The following EXOC6B variants were observed in gnomAD, a reference collection of about 807,000 sequenced individuals.
The protein encoded by EXOC6B is SEC15 homolog B.
EXOC6B carries 54 observed loss-of-function variants against 113.5 expected under a neutral mutation model. The observed-to-expected ratio is 0.48, with a 90% CI of 0.38 to 0.60. The LOEUF is 0.60. Ranked by LOEUF, EXOC6B falls within the 20% of genes least tolerant of loss-of-function variation. The pLI is 0.00. For missense variants in EXOC6B, 797 were observed against 977.5 expected, an observed-to-expected ratio of 0.82 and a Z score of 2.46; for synonymous variants, 357 against 339.0, an observed-to-expected ratio of 1.05 and a Z score of -0.58.
intron 6 of EXOC6B, among the ~76,000 whole-genome samples, chr2:72,714,534 G>A (rs1454520788): frequency 6.6e-6 from 1 of 152,122 alleles, no homozygotes; most frequent in Non-Finnish European, 1.5e-5. Flanking sequence ...TGAATTTATA[G>A]GGAAAGAAGT....
chr2:72,405,315 A>G (rs1693657921), intron 18 of EXOC6B, among the ~76,000 whole-genome samples: 1 of 152,202 alleles, frequency 6.6e-6, no homozygotes, highest in Non-Finnish European at 1.5e-5. Flanking sequence ...CAATCTAGCA[A>G]GGCAGGCCAG....
chr2:72,573,672 G>A (rs1005425650), intron 7 of EXOC6B, among the ~76,000 whole-genome samples: 2 of 152,138 alleles, frequency 1.3e-5, no homozygotes, highest in African/African-American at 4.8e-5. Context: ...GGGATAGGAT[G>A]AAACTTTCAA....
rs561323233 is a variant in EXOC6B at position 72,410,815 on chromosome 2, T to C, written c.1981-30945A>G. Among the ~76,000 whole-genome samples the C allele has an allele frequency of 3.3e-5, 5 of 152,292 alleles. No homozygotes were observed. The South Asian group carries it at 1.0e-3, about 32-fold the overall frequency. On this transcript the variant is annotated intron_variant, in intron 18 of 21. Coordinates refer to ENST00000272427, the MANE Select transcript of EXOC6B (RefSeq NM_015189.3). ...CATTTATACCTACTTTATACACATA[T>C]AGGTAACACTACTAAGAAAAAAAAA... is the stretch of plus-strand genomic sequence containing the variant.
At chr2:72,455,748 A>G (rs1237965966) in intron 18 of EXOC6B, among the ~76,000 whole-genome samples, 1 of 152,154 alleles carries the variant, frequency 6.6e-6, no homozygotes, top group African/African-American at 2.4e-5. Flanking sequence ...ACCTACATAC[A>G]GGTACATTAG....
intron 6 of EXOC6B, among the ~76,000 whole-genome samples, chr2:72,576,402 GT>G (rs1440890415): frequency 6.6e-6 from 1 of 152,048 alleles, no homozygotes; most frequent in Non-Finnish European, 1.5e-5. Flanking sequence ...GAAGTAGAAA[GT>G]GGGACTATCC....
chr2:72,385,293 T>G (rs980729129), intron 18 of EXOC6B, among the ~76,000 whole-genome samples: 3 of 151,942 alleles, frequency 2.0e-5, no homozygotes, highest in African/African-American at 7.2e-5. Flanking sequence ...CTGAGGAAAC[T>G]AGACATCCAC....
chr2:72,456,793 G>A (rs1697261088), intron 18 of EXOC6B, among the ~76,000 whole-genome samples: 1 of 152,004 alleles, frequency 6.6e-6, no homozygotes, highest in Non-Finnish European at 1.5e-5. Flanking sequence ...CTCCTTTCCT[G>A]AATAAAGTAC....
chr2:72,670,153 G>T (rs1675690564), intron 6 of EXOC6B, among the ~76,000 whole-genome samples: 1 of 152,074 alleles, frequency 6.6e-6, no homozygotes, highest in African/African-American at 2.4e-5. Flanking sequence ...TAGCACACAA[G>T]GTATCTGTAA....
At chr2:72,374,042 C>G (rs1034367724) in intron 19 of EXOC6B, among the ~76,000 whole-genome samples, 1 of 152,004 alleles carries the variant, frequency 6.6e-6, no homozygotes, top group Non-Finnish European at 1.5e-5. Flanking sequence ...ACTGTATAGC[C>G]TGCGCCTCCA....
intron 6 of EXOC6B, among the ~76,000 whole-genome samples, chr2:72,691,712 G>A (rs1338740502): frequency 2.1e-5 from 3 of 141,704 alleles, no homozygotes; most frequent in African/African-American, 5.3e-5. Context: ...ATGGAGTTTC[G>A]CCCTTGTCGC....
intron 6 of EXOC6B, among the ~76,000 whole-genome samples, chr2:72,594,263 A>C (rs1669930545): frequency 6.6e-6 from 1 of 152,290 alleles, no homozygotes; most frequent in East Asian, 1.9e-4. Flanking sequence ...GATTACAGGC[A>C]TGAGCCACCA....
At chr2:72,572,059 C>A (rs1704543515) in intron 7 of EXOC6B, among the ~76,000 whole-genome samples, 1 of 152,076 alleles carries the variant, frequency 6.6e-6, no homozygotes, top group Non-Finnish European at 1.5e-5. Context: ...GCTGGTAATA[C>A]ATAAGCAACA....
chr2:72,819,177 T>C (rs1411532796), intron 1 of EXOC6B, among the ~76,000 whole-genome samples: 2 of 152,268 alleles, frequency 1.3e-5, no homozygotes, highest in Admixed American at 6.5e-5. Flanking sequence ...TATAAACCTG[T>C]ATATAACATG....
At chr2:72,364,733 T>G (rs574932472) in intron 19 of EXOC6B, among the ~76,000 whole-genome samples, 1 of 152,286 alleles carries the variant, frequency 6.6e-6, no homozygotes, top group South Asian at 2.1e-4. Context: ...TCCTCCAGAA[T>G]GTGCATGTAT....
intron 6 of EXOC6B, among the ~76,000 whole-genome samples, chr2:72,691,687 T>C (rs1677491444): frequency 1.3e-5 from 2 of 151,226 alleles, no homozygotes; most frequent in African/African-American, 4.9e-5. Context: ...ATCTATTTTT[T>C]TTTTTTTTTT....
intron 18 of EXOC6B, among the ~76,000 whole-genome samples, chr2:72,409,137 C>T (rs562284964): frequency 5.9e-5 from 9 of 152,296 alleles, no homozygotes; most frequent in Admixed American, 3.9e-4. Flanking sequence ...CACTGGCCAT[C>T]AGAGAAATGC....
chr2:72,299,525 A>C (rs1445096827), intron 20 of EXOC6B, among the ~76,000 whole-genome samples: 1 of 151,862 alleles, frequency 6.6e-6, no homozygotes, highest in Non-Finnish European at 1.5e-5. Flanking sequence ...TACTTCTGTC[A>C]ATTTGTCAAA....
intron 8 of EXOC6B, among the ~76,000 whole-genome samples, chr2:72,541,348 G>A (rs998976875): frequency 3.3e-5 from 5 of 152,098 alleles, no homozygotes; most frequent in African/African-American, 1.2e-4. Context: ...GACTAATACA[G>A]AATATGTGAA....
In EXOC6B at chr2:72,692,979, G is replaced by T. The variant is rs1384699874; in HGVS notation, c.669+25124C>A. ...TCAACTCCCCTAAACTATCCTTAAAGAAGATTAAGTCAAAAATATGGTTTA... is the reference window on the plus strand; with the variant it reads ...TCAACTCCCCTAAACTATCCTTAAATAAGATTAAGTCAAAAATATGGTTTA... On this transcript the variant is annotated intron_variant, in intron 6 of 21. Transcript: ENST00000272427. Among the ~76,000 whole-genome samples, 4 of 152,236 alleles carry T rather than the reference G, an allele frequency of 2.6e-5. No homozygotes were observed. The East Asian group carries it at 7.7e-4, about 29-fold the overall frequency.
Sources: gnomAD v4.1 joint callset for allele counts (sites outside exome capture counted in the v4.1 genomes callset) on GRCh38, gnomAD v4.1.1 for gene constraint, MANE v1.5 for transcripts, NCBI Gene and HGNC (gene_info 2026-07-23, HGNC 2026-07-21) for gene names.